SCHIP1: variants seen among roughly 807,000 people sequenced by gnomAD.
SCHIP1 encodes the protein schwannomin-interacting protein 1.
SCHIP1 carries 8 observed loss-of-function variants against 29.7 expected under a neutral mutation model. That is an observed-to-expected ratio of 0.27 (90% CI 0.16 to 0.49). The LOEUF is 0.49. Ranked by LOEUF, SCHIP1 falls within the 20% of genes least tolerant of loss-of-function variation. The probability of loss-of-function intolerance (pLI) is 0.99; values close to 1 mark genes in which losing one functional copy is unlikely to be tolerated. For missense variants in SCHIP1, 193 were observed against 294.6 expected, an observed-to-expected ratio of 0.66 and a Z score of 2.52; for synonymous variants, 76 against 94.9, an observed-to-expected ratio of 0.80 and a Z score of 1.16.
the SCHIP1 span, among the ~76,000 whole-genome samples, chr3:159,378,365 T>C: frequency 1.3e-5 from 2 of 152,188 alleles, no homozygotes; most frequent in African/African-American, 2.4e-5. Context: ...TATGAGGGTG[T>C]GTTGTTGATT....
chr3:159,686,781 G>C, the SCHIP1 span, among the ~76,000 whole-genome samples: 1 of 152,136 alleles, frequency 6.6e-6, no homozygotes, highest in South Asian at 2.1e-4. Flanking sequence ...CATGATTAAA[G>C]GTAACTCAGT....
At chr3:159,752,536 G>A in the SCHIP1 span, among the ~76,000 whole-genome samples, 213 of 152,270 alleles carry the variant, frequency 1.4e-3, 5 homozygotes, top group East Asian at 0.039. Context: ...GACAGCATCT[G>A]CTTCTGGGGA....
chr3:159,856,456 C>T (rs999661236), intron 1 of SCHIP1, among the ~76,000 whole-genome samples: 12 of 152,104 alleles, frequency 7.9e-5, no homozygotes, highest in African/African-American at 2.9e-4. Flanking sequence ...TTTATGTGTA[C>T]ATTCTTGGGG....
chr3:159,821,712 C>A, the SCHIP1 span, among the ~76,000 whole-genome samples: 1 of 152,216 alleles, frequency 6.6e-6, no homozygotes, highest in Admixed American at 6.5e-5. Flanking sequence ...CCTCAGCATT[C>A]ATTTTTTTTC....
chr3:159,750,263 G>GTGTA, the SCHIP1 span, among the ~76,000 whole-genome samples: 36 of 25,072 alleles, frequency 1.4e-3, no homozygotes, highest in African/African-American at 3.1e-3. Context: ...ATGTGTGTGT[G>GTGTA]TATATATATA....
the SCHIP1 span, among the ~76,000 whole-genome samples, chr3:159,431,034 A>G: frequency 6.6e-6 from 1 of 152,164 alleles, no homozygotes; most frequent in East Asian, 1.9e-4. Context: ...CTTCAATACC[A>G]GTTTGAGGTA....
the SCHIP1 span, among the ~76,000 whole-genome samples, chr3:159,481,167 G>A: frequency 6.6e-6 from 1 of 152,058 alleles, no homozygotes; most frequent in African/African-American, 2.4e-5. Flanking sequence ...CTGACACTGG[G>A]GTCTTATTAG....
the SCHIP1 span, among the ~76,000 whole-genome samples, chr3:159,667,981 G>C: frequency 6.6e-6 from 1 of 152,276 alleles, no homozygotes; most frequent in Non-Finnish European, 1.5e-5. Context: ...GCCCACTTTG[G>C]GGGACCCTAG....
the SCHIP1 span, among the ~76,000 whole-genome samples, chr3:159,692,756 G>A: frequency 1.0e-4 from 15 of 145,710 alleles, no homozygotes; most frequent in African/African-American, 3.7e-4. Context: ...AGACTACTAA[G>A]AAGGAAAAAT....
chr3:159,476,368 T>C, the SCHIP1 span, among the ~76,000 whole-genome samples: 1 of 152,210 alleles, frequency 6.6e-6, no homozygotes, highest in Non-Finnish European at 1.5e-5. Context: ...TAATCTGAAT[T>C]TCTAGCTTTA....
chr3:159,734,298 A>G, the SCHIP1 span, among the ~76,000 whole-genome samples: 1 of 151,658 alleles, frequency 6.6e-6, no homozygotes, highest in Non-Finnish European at 1.5e-5. Context: ...ACGTGCCACC[A>G]TGCCCAGCTA....
At chr3:159,288,780 G>A in the SCHIP1 span, among the ~76,000 whole-genome samples, 2 of 152,160 alleles carry the variant, frequency 1.3e-5, no homozygotes, top group Non-Finnish European at 2.9e-5. Flanking sequence ...ACATGCTTCA[G>A]CTCATGAATG....
At chr3:159,616,641 G>C in the SCHIP1 span, among the ~76,000 whole-genome samples, 15 of 152,326 alleles carry the variant, frequency 9.8e-5, no homozygotes, top group South Asian at 3.1e-3. Context: ...TCTTCCTTCA[G>C]ATAGTATATC....
chr3:159,783,309 A>G, the SCHIP1 span, among the ~76,000 whole-genome samples: 6 of 152,206 alleles, frequency 3.9e-5, no homozygotes, highest in South Asian at 1.2e-3. Context: ...AGGGATTGAC[A>G]GCTGAATGGA....
chr3:159,808,990 T>C, the SCHIP1 span, among the ~76,000 whole-genome samples: 12 of 146,572 alleles, frequency 8.2e-5, no homozygotes, highest in African/African-American at 3.0e-4. Context: ...TCTTTCTTTT[T>C]TTTTTTTTTA....
chr3:159,322,463 C>T, the SCHIP1 span, among the ~76,000 whole-genome samples: 3 of 152,254 alleles, frequency 2.0e-5, no homozygotes, highest in African/African-American at 4.8e-5. Flanking sequence ...TGTCAGAGTA[C>T]GAGGAATCAA....
chr3:159,366,305 TC>T, the SCHIP1 span, among the ~76,000 whole-genome samples: 1 of 116,416 alleles, frequency 8.6e-6, no homozygotes, highest in African/African-American at 3.2e-5. Flanking sequence ...GCCCCAATGA[TC>T]CAAACCCCAC....
chr3:159,765,100 G>A, the SCHIP1 span: 1 of 1,572,340 alleles, frequency 6.4e-7, no homozygotes, highest in Non-Finnish European at 8.6e-7. Flanking sequence ...GGAGCAGGAG[G>A]TACGGAACCA....
the SCHIP1 span, among the ~76,000 whole-genome samples, chr3:159,630,709 T>C: frequency 6.6e-6 from 1 of 152,058 alleles, no homozygotes; most frequent in Non-Finnish European, 1.5e-5. Context: ...CATTGGACTT[T>C]GGGGACTACA....
Sources: allele counts gnomAD v4.1 joint callset (sites outside exome capture counted in the v4.1 genomes callset), GRCh38; gene constraint gnomAD v4.1.1; transcripts MANE v1.5; gene names NCBI Gene and HGNC (gene_info 2026-07-23, HGNC 2026-07-21).